The following MSLN variants were observed in gnomAD, a reference collection of about 807,000 sequenced individuals.
MSLN encodes mesothelin, also known as CAK1 antigen.
A neutral mutation model predicts 72.6 loss-of-function variants in MSLN; 82 were observed. That is an observed-to-expected ratio of 1.13 (90% CI 0.94 to 1.36). MSLN has a LOEUF of 1.36. Among genes scored for constraint, MSLN ranks in the 40% most tolerant of loss-of-function variants. MSLN has a pLI of 0.00. For synonymous variants in MSLN, 456 were observed against 387.3 expected, an observed-to-expected ratio of 1.18 and a Z score of -2.08; for missense variants, 1,005 against 847.9, an observed-to-expected ratio of 1.19 and a Z score of -2.30.
In MSLN at chr16:766,990, C is replaced by T. The variant is rs148966855; in HGVS notation, c.1479C>T (p.Phe493=). ...AFQNMNGSEY[F]VKIQSFLGGA... ...AGAACATGAACGGGTCCGAATACTT[C>T]GTGAAGATCCAGTCCTTCCTGGGTG... Residue 493 remains phenylalanine (F), a synonymous_variant, in exon 15 of 18, where the codon TTC becomes TTT. Coordinates refer to ENST00000545450, the MANE Select transcript of MSLN (RefSeq NM_005823.6). 254 of 1,612,618 alleles carry T rather than the reference C, an allele frequency of 1.6e-4. No individual in the cohort carries two copies. Among genetic ancestry groups the T allele is most frequent in the Admixed American group, 2.8e-4 (17 of 60,008 alleles).
At position 766,042 on chromosome 16, in the gene MSLN, A is replaced by C. The variant is rs1567358050; in HGVS notation, c.896-17A>C. ...AAACGAACTCCGGCCCTGACCCCTG[A>C]CCCCTGTGCCCTGCAGAGACAGCCT... On this transcript the variant is annotated splice_polypyrimidine_tract_variant and intron_variant, in intron 11 of 17. Transcript: ENST00000545450. The C allele has an allele frequency of 6.3e-7, 1 of 1,592,846 alleles. No individual in the cohort carries two copies. The highest frequency in any genetic ancestry group is 1.1e-5 in the South Asian group (1 of 89,878).
intron 16 of MSLN, 62 bp from the exon 17 acceptor site, chr16:768,317 A>AGCCCTCTGGCG: frequency 6.9e-7 from 1 of 1,455,662 alleles, no homozygotes; most frequent in Non-Finnish European, 9.1e-7. Flanking sequence ...AGAGCCTGGC[A>AGCCCTCTGGCG]GCCCTCTGGC....
In MSLN at chr16:765,186, T is replaced by C; in HGVS notation, c.587T>C (p.Phe196Ser). 6.3e-7 allele frequency: 1 copy of C among 1,598,216 alleles called. No homozygotes were observed. The highest frequency in any genetic ancestry group is 8.5e-7 in the Non-Finnish European group (1 of 1,177,486). The change falls in exon 9 of 18, where the codon TTT (phenylalanine) becomes TCT (serine). Residue 196 changes from phenylalanine (F) to serine (S), a missense_variant. By Grantham distance (155) the Phe-to-Ser change is radical. Transcript: ENST00000545450. ...CTGGCTTGCGACCTGCCTGGGCGCT[T>C]TGTGGCCGAGTCGGCCGAAGTGCTG... The part of the protein sequence containing the change: ...GGLACDLPGR[F>S]VAESAEVLLP...
rs775859201 is a variant in MSLN, at chr16:768,676, A to AGGACCT, written c.1820_1825dup (p.Gly607_Pro608dup). 256 of 1,610,948 alleles carry AGGACCT rather than the reference A, an allele frequency of 1.6e-4. No individual in the cohort carries two copies. The highest frequency in any genetic ancestry group is 1.9e-4 in the Non-Finnish European group (228 of 1,179,506). On this transcript the variant is annotated inframe_insertion, in exon 18 of 18. Transcript: ENST00000545450. ...CCCTCTCGGGGACGCCCTGCCTCCT[A>AGGACCT]GGACCTGGACCTGTTCTCACCGTCC... is the stretch of plus-strand genomic sequence containing the variant.
Position 767,495 on chromosome 16 carries a change from T to TGTGGAGGGGGTGC in MSLN, c.1596+32_1596+33insGGGTGCGTGGAGG, listed in dbSNP as rs1349204116. On this transcript the variant is annotated intron_variant, in intron 16 of 17. Transcript: ENST00000545450. ...GGTATGGCGAGCGGGAGGAGGGGCG[T>TGTGGAGGGGGTGC]GTGGAGGAGGGGCCCGTGGAGGAGG... The TGTGGAGGGGGTGC allele has an allele frequency of 8.5e-6, 10 of 1,173,718 alleles. No individual in the cohort carries two copies. The African/African-American group carries it at 3.0e-4, about 35-fold the overall frequency. The allele number at this position is 1,173,718 out of a possible 1,614,324, so 72.7% of individuals were successfully genotyped here.
chr16:766,149 C>T lies in MSLN; in HGVS notation c.986C>T (p.Ala329Val), dbSNP rs143275107. The change falls in exon 12 of 18, where the codon GCG becomes GTG. Residue 329 changes from alanine to valine, a missense_variant. By Grantham distance (64) the Ala-to-Val change is moderately conservative. Coordinates refer to ENST00000545450, the MANE Select transcript of MSLN (RefSeq NM_005823.6). ...TGGGAGCTGGAAGCCTGCGTGGATG[C>T]GGCCCTGCTGGCCACCCAGATGGAC... Reference protein sequence around the residue: ...KKWELEACVDAALLATQMDRV... With the variant: ...KKWELEACVDVALLATQMDRV... 2,716 of 1,612,712 alleles carry T rather than the reference C, an allele frequency of 1.7e-3. 67 individuals are homozygous for T. The Admixed American group carries it at 0.041, about 25-fold the overall frequency.
At position 766,529 on chromosome 16, in the gene MSLN, G is replaced by A. The variant is rs745760940; in HGVS notation, c.1230+39G>A. 6.2e-6 allele frequency: 10 copies of A among 1,611,816 alleles called. No individual in the cohort carries two copies. In the South Asian group the frequency reaches 8.8e-5, roughly 14 times the overall value. Reference sequence around the variant, plus strand: ...TCGGGGGTCATGTGGCATGAGATTGGGAAGGGCTGAGGGGCAGAGTGGGGG... The same window carrying A: ...TCGGGGGTCATGTGGCATGAGATTGAGAAGGGCTGAGGGGCAGAGTGGGGG... On this transcript the variant is annotated intron_variant, in intron 13 of 17. Coordinates refer to ENST00000545450, the MANE Select transcript of MSLN (RefSeq NM_005823.6).
At position 768,501 on chromosome 16, in the gene MSLN, G is replaced by A. The variant is rs147699413; in HGVS notation, c.1719G>A (p.Thr573=). The A allele has an allele frequency of 7.4e-4, 1,176 of 1,589,588 alleles. 2 individuals are homozygous for A. The highest frequency in any genetic ancestry group is 3.5e-3 in the African/African-American group (263 of 74,504). Residue 573 remains threonine (T), a synonymous_variant, in exon 17 of 18, where the codon ACG becomes ACA. Transcript: ENST00000545450. ...ILRQRQDDLD[T]LGLGLQGGIP... is the part of the protein sequence containing the mutation. ...GGCAGCGGCAGGACGACCTGGACAC[G>A]CTGGGGCTGGGGCTACAGGGCGGCA...
chr16:762,261 CA>C, intron 2 of MSLN, among the ~76,000 whole-genome samples: 1 of 152,370 alleles, frequency 6.6e-6, no homozygotes, highest in African/African-American at 2.4e-5. Flanking sequence ...CAGCTGAGGG[CA>C]GGGGAGAGGG....
chr16:762,582 C>A, intron 2 of MSLN, 90 bp from the exon 3 acceptor site: 1 of 963,420 alleles, frequency 1.0e-6, no homozygotes, highest in Non-Finnish European at 1.6e-6. Flanking sequence ...TCTGGGAGCC[C>A]CTCCTGGGCC....
intron 7 of MSLN, 50 bp downstream of exon 7, chr16:764,776 C>T (rs761985964): frequency 4.3e-5 from 68 of 1,571,972 alleles, no homozygotes; most frequent in Non-Finnish European, 5.8e-5. Flanking sequence ...CGCCAGCCCT[C>T]AGCCCCCAAC....
rs34926266 is a variant in MSLN, at chr16:766,934, G to A, written c.1423G>A (p.Val475Ile). The part of the protein sequence containing the change: ...LDTCDPRQLD[V>I]LYPKARLAFQ... Reference sequence around the variant, plus strand: ...CACGTGTGACCCAAGGCAGCTGGACGTCCTCTATCCCAAGGCCCGCCTTGC... The same window carrying A: ...CACGTGTGACCCAAGGCAGCTGGACATCCTCTATCCCAAGGCCCGCCTTGC... Residue 475 changes from valine to isoleucine, a missense_variant, in exon 15 of 18, where the codon GTC becomes ATC. Transcript: ENST00000545450. 6.6e-3 allele frequency: 10,575 copies of A among 1,612,630 alleles called. 49 individuals are homozygous for A. Among genetic ancestry groups the A allele is most frequent in the Non-Finnish European group, 8.1e-3 (9,551 of 1,179,874 alleles).
At position 766,447 on chromosome 16, in the gene MSLN, A is replaced by G. The variant is rs1346759923; in HGVS notation, c.1187A>G (p.Lys396Arg). 1.9e-6 allele frequency: 3 copies of G among 1,612,520 alleles called. No individual in the cohort carries two copies. The highest frequency in any genetic ancestry group is 1.6e-4 in the Middle Eastern group (1 of 6,082). ...AATGTGACGTCCCTGGAGACCCTGA[A>G]GGCTTTGCTTGAAGTCAACAAAGGG... Reference protein sequence around the residue: ...KWNVTSLETLKALLEVNKGHE... With the variant: ...KWNVTSLETLRALLEVNKGHE... Residue 396 changes from lysine to arginine, a missense_variant, in exon 13 of 18, where the codon AAG (lysine) becomes AGG (arginine). By Grantham distance (26) the Lys-to-Arg change is conservative. Coordinates refer to ENST00000545450, the MANE Select transcript of MSLN (RefSeq NM_005823.6).
In MSLN at chr16:766,773, C is replaced by A. The variant is rs1027781255; in HGVS notation, c.1336C>A (p.Pro446Thr). The A allele has an allele frequency of 6.2e-7, 1 of 1,612,504 alleles. No homozygotes were observed. Among genetic ancestry groups the A allele is most frequent in the African/African-American group, 1.3e-5 (1 of 74,922 alleles). ...CCCTGGGTACCTGTGCTCCCTCAGC[C>A]CCGAGGAGCTGAGCTCCGTGCCCCC... ...FYPGYLCSLS[P>T]EELSSVPPSS... is the part of the protein sequence containing the mutation. Residue 446 changes from proline to threonine, a missense_variant, in exon 14 of 18, where the codon CCC (proline) becomes ACC (threonine). By Grantham distance (38) the Pro-to-Thr change is conservative (BLOSUM62 -1). Coordinates refer to ENST00000545450, the MANE Select transcript of MSLN (RefSeq NM_005823.6).
At chr16:763,444 G>C (rs2041561787) in intron 4 of MSLN, among the ~76,000 whole-genome samples, 168 bp downstream of exon 4, 1 of 152,178 alleles carries the variant, frequency 6.6e-6, no homozygotes, top group Non-Finnish European at 1.5e-5. Flanking sequence ...GCCAGGTCCA[G>C]GGAGCGGCAG....
intron 13 of MSLN, 71 bp from the exon 14 acceptor site, chr16:766,597 C>T: frequency 6.2e-7 from 1 of 1,610,516 alleles, no homozygotes; most frequent in Non-Finnish European, 8.5e-7. Context: ...GGGGCACGGC[C>T]TGAGGTTATG....
In MSLN at chr16:765,770, G is replaced by A. The variant is rs767192304; in HGVS notation, c.875G>A (p.Arg292Gln). 43 of 1,599,442 alleles carry A rather than the reference G, an allele frequency of 2.7e-5. No homozygotes were observed. The South Asian group carries it at 4.0e-4, about 15-fold the overall frequency. The change falls in exon 11 of 18, where the codon CGG (arginine) becomes CAG (glutamine). Residue 292 changes from arginine (R) to glutamine (Q), a missense_variant. Coordinates refer to ENST00000545450, the MANE Select transcript of MSLN (RefSeq NM_005823.6). The stretch of plus-strand genomic sequence containing the variant: ...CCTGAACGGACCATCCTCCGGCCGC[G>A]GTTCCGGCGGGAAGTGGAGAGTGAG... ...RQPERTILRP[R>Q]FRREVEKTAC...
At position 765,803 on chromosome 16, in the gene MSLN, C is replaced by T. The variant is rs749041531; in HGVS notation, c.895+13C>T. On this transcript the variant is annotated intron_variant, in intron 11 of 17. Transcript: ENST00000545450. ...CGGGAAGTGGAGAGTGAGTGCCGTG[C>T]CCTGCGCAGTCTGGCACCAGGCTGG... The T allele has an allele frequency of 6.3e-7, 1 of 1,595,102 alleles. No homozygotes were observed. Among genetic ancestry groups the T allele is most frequent in the East Asian group, 2.2e-5 (1 of 44,668 alleles).
rs199813277 is a variant in MSLN, at chr16:768,523, G to A, written c.1741G>A (p.Gly581Ser). 566 of 1,599,868 alleles carry A rather than the reference G, an allele frequency of 3.5e-4. 2 individuals carry two copies. The highest frequency in any genetic ancestry group is 5.0e-4 in the Middle Eastern group (3 of 5,978). Residue 581 changes from glycine to serine, a missense_variant, in exon 17 of 18, where the codon GGC (glycine) becomes AGC (serine). Transcript: ENST00000545450. ...CACGCTGGGGCTGGGGCTACAGGGC[G>A]GCATCCCCAACGGCTACCTGGTCCT... ...LDTLGLGLQG[G>S]IPNGYLVLDL...
Sources: allele counts gnomAD v4.1 joint callset (sites outside exome capture counted in the v4.1 genomes callset), GRCh38; gene constraint gnomAD v4.1.1; transcripts MANE v1.5; gene names NCBI Gene and HGNC (gene_info 2026-07-23, HGNC 2026-07-21).